The following PRRC2A variants were observed in gnomAD, a reference collection of about 807,000 sequenced individuals.
PRRC2A encodes the protein protein PRRC2A.
PRRC2A carries 59 observed loss-of-function variants against 224.6 expected under a neutral mutation model. That is an observed-to-expected ratio of 0.26 (90% CI 0.21 to 0.33). PRRC2A has a LOEUF of 0.33. Ranked by LOEUF, PRRC2A falls within the 10% of genes least tolerant of loss-of-function variation. PRRC2A has a pLI of 1.00. For missense variants in PRRC2A, 3,095 were observed against 2,880.7 expected (o/e 1.07, Z -1.70); for synonymous variants, 1,194 against 1,109.5 (o/e 1.08, Z -1.51).
At position 31,624,450 on chromosome 6, in the gene PRRC2A, A is replaced by G; in HGVS notation, c.391A>G (p.Asn131Asp). 1 of 1,613,444 alleles carries G rather than the reference A, an allele frequency of 6.2e-7. No homozygotes were observed. The highest frequency in any genetic ancestry group is 8.5e-7 in the Non-Finnish European group (1 of 1,179,340). The change falls in exon 5 of 31, where the codon AAC becomes GAC. Residue 131 changes from asparagine to aspartate, a missense_variant and splice_region_variant. Physicochemically the swap from Asn to Asp is conservative, Grantham distance 23. Coordinates refer to ENST00000376033, the MANE Select transcript of PRRC2A (RefSeq NM_004638.4). Reference sequence around the variant, plus strand: ...ATCATCTTTCTGAACACTTCCCCAGAACACTCCTTTGGTTCCAAGCGGGGT... The same window carrying G: ...ATCATCTTTCTGAACACTTCCCCAGGACACTCCTTTGGTTCCAAGCGGGGT... Reference protein sequence around the residue: ...QPKRPPAAPENTPLVPSGVKS... With the variant: ...QPKRPPAAPEDTPLVPSGVKS...
At position 31,631,683 on chromosome 6, in the gene PRRC2A, T is replaced by G. The variant is rs756613809; in HGVS notation, c.3010T>G (p.Ser1004Ala). ...PKETPPNGNLSPAPRLRRDYS... is the reference protein window; with the variant it reads ...PKETPPNGNLAPAPRLRRDYS... The stretch of plus-strand genomic sequence containing the variant: ...GGAGACCCCACCCAATGGAAATCTT[T>G]CCCCTGCCCCAAGGCTTCGGAGGGA... The change falls in exon 16 of 31, where the codon TCC becomes GCC. Residue 1004 changes from serine to alanine, a missense_variant. Around this residue, in one of 8 missense-constraint regions of PRRC2A, gnomAD observed 2,001 missense variants for 1,764.9 expected, o/e 1.13. Coordinates refer to ENST00000376033, the MANE Select transcript of PRRC2A (RefSeq NM_004638.4). This position sits in a 1 kb window ranked among gnomAD's most constrained non-coding sequence, Gnocchi z 4.5. 4.0e-6 allele frequency: 6 copies of G among 1,512,694 alleles called. No individual in the cohort carries two copies. The highest frequency in any genetic ancestry group is 5.3e-6 in the Non-Finnish European group (6 of 1,132,346). The allele number at this position is 1,512,694 out of a possible 1,614,324, so 93.7% of individuals were successfully genotyped here.
chr6:31,624,134 A>C, intron 3 of PRRC2A, 127 bp from the exon 4 acceptor site: 1 of 1,166,664 alleles, frequency 8.6e-7, no homozygotes, highest in Non-Finnish European at 1.2e-6. Context: ...AAAGGATGAC[A>C]AAATTAATTT....
At position 31,629,724 on chromosome 6, in the gene PRRC2A, C is replaced by T. The variant is rs1478500180; in HGVS notation, c.2133C>T (p.Pro711=). 1 of 1,606,112 alleles carries T rather than the reference C, an allele frequency of 6.2e-7. No individual in the cohort carries two copies. ...KALYPGALGR[P]PPMPPMNFDP... ...TGTACCCAGGTGCTCTGGGCCGGCC[C>T]CCACCCATGCCCCCAATGAACTTTG... Residue 711 remains proline, a synonymous_variant, in exon 14 of 31, where the codon CCC becomes CCT. Coordinates refer to ENST00000376033, the MANE Select transcript of PRRC2A (RefSeq NM_004638.4).
rs1776070810 is a variant in PRRC2A, at chr6:31,627,711, T to C, written c.1291-54T>C. The C allele has an allele frequency of 5.0e-6, 8 of 1,584,446 alleles. No individual in the cohort carries two copies. Among genetic ancestry groups the C allele is most frequent in the African/African-American group, 2.7e-5 (2 of 73,816 alleles). On this transcript the variant is annotated intron_variant, in intron 11 of 30. Coordinates refer to ENST00000376033, the MANE Select transcript of PRRC2A (RefSeq NM_004638.4). This position sits in a 1 kb window ranked among gnomAD's most constrained non-coding sequence, Gnocchi z 5.6. ...AGTTGATTTGTTGTAAAAGAGATGA[T>C]AGAAAGCATAGTAACTGATTCCCCT...
rs13716 is a variant in PRRC2A, at chr6:31,636,233, C to A, written c.5649C>A (p.Pro1883=). ...PYRSQPLYLP[P]GPAPPSALLS... is the part of the protein sequence containing the mutation. Reference sequence around the variant, plus strand: ...GATCACAGCCCCTATACCTACCCCCCGGCCCAGCCCCTCCCTCAGCACTGC... The same window carrying A: ...GATCACAGCCCCTATACCTACCCCCAGGCCCAGCCCCTCCCTCAGCACTGC... Residue 1883 remains proline (P), a synonymous_variant, in exon 26 of 31, where the codon CCC becomes CCA. Transcript: ENST00000376033. This position sits in a 1 kb window ranked among gnomAD's most constrained non-coding sequence, Gnocchi z 4.3. 7 of 1,612,668 alleles carry A rather than the reference C, an allele frequency of 4.3e-6. No individual in the cohort carries two copies. Among genetic ancestry groups the A allele is most frequent in the Non-Finnish European group, 5.1e-6 (6 of 1,179,650 alleles).
At chr6:31,629,024 A>G (rs1776232253) in intron 12 of PRRC2A, 120 bp from the exon 13 acceptor site, 1 of 1,016,066 alleles carries the variant, frequency 9.8e-7, no homozygotes, top group Admixed American at 2.0e-5. Context: ...TCAATAGAAT[A>G]GATGTTGAAT....
rs1776817202 is a variant in PRRC2A, at chr6:31,632,840, G to C, written c.4167G>C (p.Arg1389=). Residue 1389 remains arginine (R), a synonymous_variant, in exon 16 of 31, where the codon CGG becomes CGC. Transcript: ENST00000376033. ...DLSKRSFSSQ[R]PGMERQNRRP... is the part of the protein sequence containing the mutation. Reference sequence around the variant, plus strand: ...GTAAACGGAGCTTCTCAAGTCAGCGGCCAGGCATGGAACGGCAGAATCGGC... The same window carrying C: ...GTAAACGGAGCTTCTCAAGTCAGCGCCCAGGCATGGAACGGCAGAATCGGC... 6.2e-7 allele frequency: 1 copy of C among 1,613,040 alleles called. No homozygotes were observed.
chr6:31,631,715 G>C lies in PRRC2A; in HGVS notation c.3042G>C (p.Ser1014=). 2 of 1,519,352 alleles carry C rather than the reference G, an allele frequency of 1.3e-6. No individual in the cohort carries two copies. Among genetic ancestry groups the C allele is most frequent in the Non-Finnish European group, 8.8e-7 (1 of 1,134,598 alleles). 94.1% of individuals were successfully genotyped at this position (1,519,352 alleles called of 1,614,324 possible). ...CCCCAAGGCTTCGGAGGGACTATTC[G>C]TATGAAAGAGTGGGTCCTACCTCTT... The part of the protein sequence containing the change: ...SPAPRLRRDY[S]YERVGPTSCR... Residue 1014 remains serine, a synonymous_variant, in exon 16 of 31, where the codon TCG becomes TCC. Coordinates refer to ENST00000376033, the MANE Select transcript of PRRC2A (RefSeq NM_004638.4). The surrounding 1 kb of genome is among the most constrained non-coding windows in gnomAD (Gnocchi z 4.5).
At position 31,635,465 on chromosome 6, in the gene PRRC2A, G is replaced by A; in HGVS notation, c.5373G>A (p.Glu1791=). 1 of 1,614,114 alleles carries A rather than the reference G, an allele frequency of 6.2e-7. No homozygotes were observed. The highest frequency in any genetic ancestry group is 1.1e-5 in the South Asian group (1 of 91,090). Residue 1791 remains glutamate, a splice_region_variant and synonymous_variant, in exon 23 of 31, where the codon GAG becomes GAA. Transcript: ENST00000376033. ...AEKELTASVT[E]AIPVSRDWEL... ...AGGAGCTAACAGCATCAGTCACTGA[G>A]GTAAGTGGGAGTAAGAGTTTGGTGG...
Position 31,625,985 on chromosome 6 carries a change from A to G in PRRC2A, c.840-35A>G. 1 of 1,608,848 alleles carries G rather than the reference A, an allele frequency of 6.2e-7. No individual in the cohort carries two copies. The highest frequency in any genetic ancestry group is 1.3e-5 in the African/African-American group (1 of 74,784). On this transcript the variant is annotated intron_variant, in intron 8 of 30. Transcript: ENST00000376033. The surrounding 1 kb of genome is among the most constrained non-coding windows in gnomAD (Gnocchi z 4.1). ...GGATCAGTCTCGCATGTGGTTATAC[A>G]ACATGCCATATTTCATTTTCTTTTT...
chr6:31,632,430 A>G lies in PRRC2A; in HGVS notation c.3757A>G (p.Lys1253Glu), dbSNP rs755321043. The change falls in exon 16 of 31, where the codon AAA becomes GAA. Residue 1253 changes from lysine to glutamate, a missense_variant. Lys to Glu is a moderately conservative substitution (Grantham distance 56). Around this residue, in one of 8 missense-constraint regions of PRRC2A, gnomAD observed 2,001 missense variants for 1,764.9 expected, o/e 1.13. Coordinates refer to ENST00000376033, the MANE Select transcript of PRRC2A (RefSeq NM_004638.4). ...RRHGRAQQQDKPPRFRRLKQE... is the reference protein window; with the variant it reads ...RRHGRAQQQDEPPRFRRLKQE... ...ACATGGGAGGGCTCAGCAGCAGGAT[A>G]AACCGCCTCGTTTCCGGAGGCTGAA... The G allele has an allele frequency of 1.9e-6, 3 of 1,606,122 alleles. No homozygotes were observed. The highest frequency in any genetic ancestry group is 1.7e-5 in the Admixed American group (1 of 59,382).
At position 31,627,893 on chromosome 6, in the gene PRRC2A, AGAG is replaced by A; in HGVS notation, c.1423_1425del (p.Glu475del). 1 of 1,613,038 alleles carries A rather than the reference AGAG, an allele frequency of 6.2e-7. No individual in the cohort carries two copies. The highest frequency in any genetic ancestry group is 8.5e-7 in the Non-Finnish European group (1 of 1,180,010). Reference sequence around the variant, plus strand: ...AGCGGGCCCGGCGACGGCGAGAAGAAGAGGAGCGGCGCATGCAAGAAGAGCGCC... The same window carrying A: ...AGCGGGCCCGGCGACGGCGAGAAGAAGAGCGGCGCATGCAAGAAGAGCGCC... On this transcript the variant is annotated inframe_deletion, in exon 12 of 31. Transcript: ENST00000376033. The surrounding 1 kb of genome is among the most constrained non-coding windows in gnomAD (Gnocchi z 5.6).
chr6:31,630,370 A>ATGAT (rs1404967905), intron 14 of PRRC2A, among the ~76,000 whole-genome samples: 28 of 152,292 alleles, frequency 1.8e-4, no homozygotes, highest in Middle Eastern at 3.4e-3. Flanking sequence ...GAATGAATGA[A>ATGAT]AGAAGCAGTG....
Position 31,632,987 on chromosome 6 carries a change from C to G in PRRC2A, c.4314C>G (p.Asn1438Lys). 1.3e-6 allele frequency: 2 copies of G among 1,562,830 alleles called. No individual in the cohort carries two copies. Among genetic ancestry groups the G allele is most frequent in the Non-Finnish European group, 1.7e-6 (2 of 1,155,224 alleles). Residue 1438 changes from asparagine (N) to lysine (K), a missense_variant, in exon 16 of 31, where the codon AAC becomes AAG. Asn to Lys is a moderately conservative substitution (Grantham distance 94, BLOSUM62 0). Coordinates refer to ENST00000376033, the MANE Select transcript of PRRC2A (RefSeq NM_004638.4). The stretch of plus-strand genomic sequence containing the variant: ...AGAGGAGCTGGCCCTCTCCCAAGAA[C>G]CGAAGGTGGGTAGGAACAAACAAAT... The part of the protein sequence containing the change: ...GDKRSWPSPK[N>K]RSRPPEERPP...
chr6:31,627,117 G>A lies in PRRC2A; in HGVS notation c.1209G>A (p.Pro403=), dbSNP rs141848058. 30 of 1,613,806 alleles carry A rather than the reference G, an allele frequency of 1.9e-5. 1 individual carries two copies. Among genetic ancestry groups the A allele is most frequent in the South Asian group, 1.5e-4 (14 of 91,084 alleles). The change falls in exon 11 of 31, where the codon CCG becomes CCA. Residue 403 remains proline (P), a synonymous_variant. Coordinates refer to ENST00000376033, the MANE Select transcript of PRRC2A (RefSeq NM_004638.4). This position sits in a 1 kb window ranked among gnomAD's most constrained non-coding sequence, Gnocchi z 5.6. Reference sequence around the variant, plus strand: ...CCTCTCGGCCTCCAGAGACAGAGCCGGGACCTCCTGCCCCAAAGCCTCCCC... The same window carrying A: ...CCTCTCGGCCTCCAGAGACAGAGCCAGGACCTCCTGCCCCAAAGCCTCCCC... The part of the protein sequence containing the change: ...AETSRPPETE[P]GPPAPKPPLP...
At position 31,636,783 on chromosome 6, in the gene PRRC2A, C is replaced by T. The variant is rs750945664; in HGVS notation, c.5985C>T (p.Ser1995=). The change falls in exon 28 of 31, where the codon TCC becomes TCT. Residue 1995 remains serine, a synonymous_variant. Coordinates refer to ENST00000376033, the MANE Select transcript of PRRC2A (RefSeq NM_004638.4). This position sits in a 1 kb window ranked among gnomAD's most constrained non-coding sequence, Gnocchi z 4.3. ...AGCTGCCTGTGGTGAACTTTGGCTC[C>T]CTGCCGCCAGCACCACCTCCTGCCC... ...DSQLPVVNFG[S]LPPAPPPAPP... 3.1e-6 allele frequency: 5 copies of T among 1,607,656 alleles called. No homozygotes were observed. The highest frequency in any genetic ancestry group is 4.2e-6 in the Non-Finnish European group (5 of 1,179,986).
Position 31,633,137 on chromosome 6 carries a change from C to T in PRRC2A, c.4319+145C>T, listed in dbSNP as rs1776870495. ...ATGTCAGTAGGATTTCCATGTCTGG[C>T]TAAGGCAACTGGAAAGCGGTTGGTA... is the stretch of plus-strand genomic sequence containing the variant. On this transcript the variant is annotated intron_variant, in intron 16 of 30. Transcript: ENST00000376033. 17 of 1,249,070 alleles carry T rather than the reference C, an allele frequency of 1.4e-5. No homozygotes were observed. The South Asian group carries it at 2.5e-4, about 19-fold the overall frequency. The allele number at this position is 1,249,070 out of a possible 1,614,324, so 77.4% of individuals were successfully genotyped here. A position where few individuals can be genotyped will look rare whatever the true frequency, so the allele number is the denominator to read the frequency against.
Position 31,622,687 on chromosome 6 carries a change from C to T in PRRC2A, c.-100-3C>T. On this transcript the variant is annotated splice_region_variant and splice_polypyrimidine_tract_variant and intron_variant, in intron 1 of 30. Transcript: ENST00000376033. ...TTTTAAGTTTCTGTTATGGTCTGTA[C>T]AGGGGACAGAGACTGAGACACTTGC... 1 of 813,010 alleles carries T rather than the reference C, an allele frequency of 1.2e-6. No homozygotes were observed. Among genetic ancestry groups the T allele is most frequent in the South Asian group, 1.5e-5 (1 of 67,748 alleles). 50.4% of individuals were successfully genotyped at this position (813,010 alleles called of 1,614,324 possible).
In PRRC2A at chr6:31,636,579, T is replaced by TTTCTCC; in HGVS notation, c.5906_5911dup (p.Leu1970_Pro1971insLeuLeu). The stretch of plus-strand genomic sequence containing the variant: ...TCTGCAGCCTGGTGGCCAAAGTGGC[T>TTTCTCC]TTCTCCCTTCAGGGGCTCCTGCCCA... On this transcript the variant is annotated inframe_insertion, in exon 27 of 31. Coordinates refer to ENST00000376033, the MANE Select transcript of PRRC2A (RefSeq NM_004638.4). This position sits in a 1 kb window ranked among gnomAD's most constrained non-coding sequence, Gnocchi z 4.3. The TTTCTCC allele has an allele frequency of 6.2e-7, 1 of 1,606,970 alleles. No individual in the cohort carries two copies. Among genetic ancestry groups the TTTCTCC allele is most frequent in the Non-Finnish European group, 8.5e-7 (1 of 1,177,268 alleles).
Sources: allele counts gnomAD v4.1 joint callset (sites outside exome capture counted in the v4.1 genomes callset), GRCh38; gene constraint gnomAD v4.1.1; regional missense constraint gnomAD v4.1.1; non-coding constraint Gnocchi (gnomAD v3.1); transcripts MANE v1.5; gene names NCBI Gene and HGNC (gene_info 2026-07-23, HGNC 2026-07-21).